ZNRF1: variants seen among roughly 807,000 people sequenced by gnomAD.
ZNRF1 encodes E3 ubiquitin-protein ligase ZNRF1.
A neutral mutation model predicts 18.4 loss-of-function variants in ZNRF1; 3 were observed. The ratio of observed to expected loss-of-function variants is 0.16; its 90% confidence interval spans 0.07 to 0.42. The LOEUF (loss-of-function observed/expected upper bound fraction) is 0.42, where lower values mean the gene tolerates loss of function less well. ZNRF1 is among the 10% of genes least tolerant of loss of function. The pLI is 0.99. For missense variants in ZNRF1, 310 were observed against 329.8 expected (o/e 0.94, Z 0.47); for synonymous variants, 157 against 144.2 (o/e 1.09, Z -0.64).
intron 1 of ZNRF1, among the ~76,000 whole-genome samples, chr16:75,003,916 A>T (rs201297686): frequency 6.6e-6 from 1 of 151,846 alleles, no homozygotes; most frequent in East Asian, 1.9e-4. Context: ...TGGAGTTCCT[A>T]TGGGGGCACT....
intron 2 of ZNRF1, among the ~76,000 whole-genome samples, chr16:75,102,949 C>T (rs2036270443): frequency 6.6e-6 from 1 of 152,186 alleles, no homozygotes; most frequent in Admixed American, 6.5e-5. Context: ...TTCCCTGTGC[C>T]CAGAATCTCC....
intron 1 of ZNRF1, among the ~76,000 whole-genome samples, chr16:75,014,391 A>G (rs2035039429): frequency 6.6e-6 from 1 of 152,178 alleles, no homozygotes; most frequent in Non-Finnish European, 1.5e-5. Flanking sequence ...CTGTATAGAC[A>G]TGGAAGGAGA....
At chr16:75,060,285 G>A (rs1171768661) in intron 1 of ZNRF1, among the ~76,000 whole-genome samples, 1 of 152,048 alleles carries the variant, frequency 6.6e-6, no homozygotes, top group East Asian at 1.9e-4. Context: ...AACTCCTGAC[G>A]TTGTGATCCG....
At chr16:75,010,024 C>T (rs2034973274) in intron 1 of ZNRF1, among the ~76,000 whole-genome samples, 1 of 151,972 alleles carries the variant, frequency 6.6e-6, no homozygotes, top group South Asian at 2.1e-4. Context: ...GCCCTGTTGC[C>T]CAGGCTGAAG....
At chr16:75,092,077 CTGTT>C (rs1018872545) in intron 1 of ZNRF1, among the ~76,000 whole-genome samples, 4 of 151,986 alleles carry the variant, frequency 2.6e-5, no homozygotes, top group African/African-American at 7.3e-5. Flanking sequence ...GGGCAGGAGA[CTGTT>C]TGAGCCCAGG....
chr16:75,075,382 C>T (rs771319296), intron 1 of ZNRF1, among the ~76,000 whole-genome samples: 4 of 152,242 alleles, frequency 2.6e-5, no homozygotes, highest in African/African-American at 9.6e-5. Flanking sequence ...GCGGGTTGGG[C>T]AGGAAGCAGC....
intron 1 of ZNRF1, among the ~76,000 whole-genome samples, chr16:75,021,611 G>T (rs1237540058): frequency 1.3e-5 from 2 of 152,142 alleles, no homozygotes; most frequent in Non-Finnish European, 2.9e-5. Context: ...ATAAAAGTCT[G>T]GGTTGGCAGT....
intron 1 of ZNRF1, among the ~76,000 whole-genome samples, chr16:75,075,804 C>T (rs1156849826): frequency 1.3e-5 from 2 of 152,166 alleles, no homozygotes; most frequent in Non-Finnish European, 2.9e-5. Flanking sequence ...TGTTAGGATG[C>T]TGTCATGTGG....
At chr16:75,020,794 G>A (rs149036475) in intron 1 of ZNRF1, among the ~76,000 whole-genome samples, 16,953 of 152,022 alleles carry the variant, frequency 0.11, 1,281 homozygotes, top group Non-Finnish European at 0.17. Flanking sequence ...CGCTGCCCTC[G>A]GCCTCCCAAA....
At chr16:75,078,318 T>G (rs2035967689) in intron 1 of ZNRF1, among the ~76,000 whole-genome samples, 3 of 145,846 alleles carry the variant, frequency 2.1e-5, no homozygotes, top group Admixed American at 1.4e-4. Context: ...TTTTTTTTTT[T>G]GACAGAGTCT....
At chr16:75,092,225 A>T (rs761949968) in intron 1 of ZNRF1, among the ~76,000 whole-genome samples, 2 of 152,228 alleles carry the variant, frequency 1.3e-5, no homozygotes, top group Non-Finnish European at 2.9e-5. Flanking sequence ...GTGGATCGTC[A>T]TAAAGGTCTT....
At chr16:75,007,195 C>T (rs905164594) in intron 1 of ZNRF1, among the ~76,000 whole-genome samples, 1 of 151,358 alleles carries the variant, frequency 6.6e-6, no homozygotes, top group Non-Finnish European at 1.5e-5. Context: ...GTAGCTGGGA[C>T]TACAGGCGGA....
intron 1 of ZNRF1, among the ~76,000 whole-genome samples, chr16:75,061,830 C>T (rs566683074): frequency 1.3e-5 from 2 of 152,272 alleles, no homozygotes; most frequent in African/African-American, 4.8e-5. Context: ...GTTTAAAGTG[C>T]TAATTTGAGG....
In ZNRF1 at chr16:75,106,930, C is replaced by T. The variant is rs150954418; in HGVS notation, c.*32+359C>T. 20 of 233,846 alleles carry T rather than the reference C, an allele frequency of 8.6e-5. No homozygotes were observed. In the East Asian group the frequency reaches 1.4e-3, roughly 17 times the overall value. The allele number at this position is 233,846 out of a possible 1,614,324, so 14.5% of individuals were successfully genotyped here. ...TTTGTGCCTGGCTTGGCCTCATCCT[C>T]GCTCACCTCTGAGTCTCCGCCTCTT... On this transcript the variant is annotated intron_variant, in intron 4 of 4. Coordinates refer to ENST00000335325, the MANE Select transcript of ZNRF1 (RefSeq NM_032268.5).
rs548704465 is a variant in ZNRF1, at chr16:75,065,504, G to T, written c.425-28068G>T. 2.5e-4 allele frequency among the ~76,000 whole-genome samples: 38 copies of T among 152,304 alleles called. No homozygotes were observed. The East Asian group carries it at 7.3e-3, about 29-fold the overall frequency. ...TAGGGTAGGGATTAAGGTGTGGGGC[G>T]ACTTGTTTTTAATTAATTATAAAAG... On this transcript the variant is annotated intron_variant, in intron 1 of 4. Coordinates refer to ENST00000335325, the MANE Select transcript of ZNRF1 (RefSeq NM_032268.5).
chr16:75,067,167 G>A (rs2145395394), intron 1 of ZNRF1, among the ~76,000 whole-genome samples: 1 of 152,292 alleles, frequency 6.6e-6, no homozygotes, highest in South Asian at 2.1e-4. Flanking sequence ...CTCCAATGTG[G>A]TGCCTTCTGG....
chr16:75,002,868 TTC>T (rs754957039), intron 1 of ZNRF1, among the ~76,000 whole-genome samples: 12 of 152,246 alleles, frequency 7.9e-5, no homozygotes, highest in Middle Eastern at 6.3e-3. Flanking sequence ...TCACACGAAT[TTC>T]TCTTTCTGAT....
At chr16:75,074,684 C>G (rs192318165) in intron 1 of ZNRF1, among the ~76,000 whole-genome samples, 3 of 152,108 alleles carry the variant, frequency 2.0e-5, no homozygotes, top group African/African-American at 7.2e-5. Flanking sequence ...ATAGGACTGA[C>G]CCTGATTTGA....
intron 2 of ZNRF1, among the ~76,000 whole-genome samples, chr16:75,096,950 G>A (rs1302561727): frequency 6.6e-6 from 1 of 152,080 alleles, no homozygotes; most frequent in Non-Finnish European, 1.5e-5. Context: ...TTGGGAATGT[G>A]CTGAGCCCCT....
Sources: gnomAD v4.1 joint callset for allele counts (sites outside exome capture counted in the v4.1 genomes callset) on GRCh38, gnomAD v4.1.1 for gene constraint, MANE v1.5 for transcripts, NCBI Gene and HGNC (gene_info 2026-07-23, HGNC 2026-07-21) for gene names.